NCKAP5: variants seen among roughly 807,000 people sequenced by gnomAD.
NCKAP5 encodes NCK associated protein 5, also known as nck-associated protein 5.
A neutral mutation model predicts 167.0 loss-of-function variants in NCKAP5; 92 were observed. That is an observed-to-expected ratio of 0.55 (90% CI 0.47 to 0.66). NCKAP5 has a LOEUF of 0.66. Among genes scored for constraint, NCKAP5 ranks in the 30% least tolerant of loss-of-function variants. The pLI, the probability that NCKAP5 is intolerant of heterozygous loss-of-function variation, is 0.00. For missense variants in NCKAP5, 2,378 were observed against 2,315.0 expected, an observed-to-expected ratio of 1.03 and a Z score of -0.56; for synonymous variants, 891 against 877.4, an observed-to-expected ratio of 1.02 and a Z score of -0.27.
At chr2:133,575,874 T>C in the NCKAP5 span, among the ~76,000 whole-genome samples, 1 of 152,198 alleles carries the variant, frequency 6.6e-6, no homozygotes, top group African/African-American at 2.4e-5. Flanking sequence ...TCTGATCTCT[T>C]AACGATAAAC....
chr2:133,579,531 C>A, the NCKAP5 span, among the ~76,000 whole-genome samples: 1 of 152,276 alleles, frequency 6.6e-6, no homozygotes, highest in Admixed American at 6.5e-5. Flanking sequence ...TTTTGCAGGG[C>A]AGGAGGCCAG....
chr2:132,881,834 T>C (rs1189596383), intron 8 of NCKAP5, among the ~76,000 whole-genome samples: 1 of 152,122 alleles, frequency 6.6e-6, no homozygotes, highest in Admixed American at 6.5e-5. Context: ...TGTGGGGAGA[T>C]ACTTTGAGGC....
chr2:132,839,563 CCAGCCTGGG>C (rs59415241), intron 11 of NCKAP5, among the ~76,000 whole-genome samples: 11,865 of 151,906 alleles, frequency 0.078, 926 homozygotes, highest in African/African-American at 0.19. Flanking sequence ...GAGTTCAAGA[CCAGCCTGGG>C]CAACATGGTG....
At chr2:133,360,843 G>T (rs1425606259) in intron 3 of NCKAP5, among the ~76,000 whole-genome samples, 1 of 151,806 alleles carries the variant, frequency 6.6e-6, no homozygotes, top group Non-Finnish European at 1.5e-5. Flanking sequence ...GCCTTAAAAG[G>T]CTGGTGAGTA....
At chr2:132,709,565 A>G (rs893277389) in intron 19 of NCKAP5, among the ~76,000 whole-genome samples, 1 of 152,174 alleles carries the variant, frequency 6.6e-6, no homozygotes, top group African/African-American at 2.4e-5. Context: ...GTTTATGTCA[A>G]TAAACATGAA....
chr2:133,441,198 T>A (rs1690835689), intron 3 of NCKAP5, among the ~76,000 whole-genome samples: 1 of 152,158 alleles, frequency 6.6e-6, no homozygotes, highest in Non-Finnish European at 1.5e-5. Flanking sequence ...TTGTAGTAAC[T>A]GTGAGTCCAA....
chr2:133,172,809 A>G (rs2084304958), intron 5 of NCKAP5, among the ~76,000 whole-genome samples: 1 of 152,044 alleles, frequency 6.6e-6, no homozygotes, highest in Non-Finnish European at 1.5e-5. Context: ...CAACACGCCC[A>G]GCTAATTTTT....
intron 19 of NCKAP5, among the ~76,000 whole-genome samples, chr2:132,689,163 T>C (rs1474770860): frequency 6.6e-6 from 1 of 152,038 alleles, no homozygotes; most frequent in African/African-American, 2.4e-5. Context: ...ACATAACATG[T>C]GGGTGAATAC....
Position 132,728,897 on chromosome 2 carries a change from T to C in NCKAP5, c.5499A>G (p.Ser1833=). 1.9e-6 allele frequency: 3 copies of C among 1,613,988 alleles called. No homozygotes were observed. Among genetic ancestry groups the C allele is most frequent in the African/African-American group, 1.3e-5 (1 of 75,058 alleles). Reference sequence around the variant, plus strand: ...TTGGGTCTTCAGCATATCCGAATGATGAGCATGTCTGAGGCCTTGGCTCTG... The same window carrying C: ...TTGGGTCTTCAGCATATCCGAATGACGAGCATGTCTGAGGCCTTGGCTCTG... ...NEAEPRPQTC[S]SFGYAEDPMA... Residue 1833 remains serine, a synonymous_variant, in exon 18 of 20, where the codon TCA becomes TCG. Coordinates refer to ENST00000409261, the MANE Select transcript of NCKAP5 (RefSeq NM_207363.3).
chr2:133,296,631 A>G (rs1401817509), intron 4 of NCKAP5, among the ~76,000 whole-genome samples: 1 of 152,244 alleles, frequency 6.6e-6, no homozygotes, highest in Non-Finnish European at 1.5e-5. Context: ...TAAATGCAAT[A>G]TAATATTCCA....
the NCKAP5 span, among the ~76,000 whole-genome samples, chr2:133,624,587 GC>G: frequency 6.6e-6 from 1 of 152,110 alleles, no homozygotes; most frequent in Non-Finnish European, 1.5e-5. Context: ...GCATTAAAAG[GC>G]TCAAAATAGC....
intron 5 of NCKAP5, among the ~76,000 whole-genome samples, chr2:133,208,432 A>G (rs2086058601): frequency 6.6e-6 from 1 of 152,234 alleles, no homozygotes; most frequent in Non-Finnish European, 1.5e-5. Context: ...TACTTCCCAA[A>G]AATATACCCA....
At chr2:133,074,914 GA>G in intron 6 of NCKAP5, among the ~76,000 whole-genome samples, 1 of 151,960 alleles carries the variant, frequency 6.6e-6, no homozygotes, top group East Asian at 1.9e-4. Context: ...GATTGGAGCA[GA>G]AAAAGAATAT....
chr2:133,639,496 T>C, the NCKAP5 span, among the ~76,000 whole-genome samples: 21 of 152,310 alleles, frequency 1.4e-4, 1 homozygote, highest in African/African-American at 4.6e-4. Flanking sequence ...TTCATAGTTT[T>C]CCAAACTTCC....
intron 11 of NCKAP5, among the ~76,000 whole-genome samples, chr2:132,835,332 T>C (rs1687812980): frequency 1.3e-5 from 2 of 152,172 alleles, no homozygotes; most frequent in South Asian, 2.1e-4. Flanking sequence ...ACAAGCCTCA[T>C]AGAATGAGTT....
At chr2:133,350,219 G>C (rs28445548) in intron 3 of NCKAP5, among the ~76,000 whole-genome samples, 40,277 of 151,924 alleles carry the variant, frequency 0.27, 6,238 homozygotes, top group African/African-American at 0.43. Flanking sequence ...TGAGATAAGT[G>C]TGGGCAACAT....
At chr2:133,307,383 A>C (rs556874486) in intron 3 of NCKAP5, among the ~76,000 whole-genome samples, 1 of 152,338 alleles carries the variant, frequency 6.6e-6, no homozygotes, top group Admixed American at 6.5e-5. Flanking sequence ...GGATAAAGAA[A>C]TATTTCAGCA....
At chr2:132,949,088 C>T (rs2076102847) in intron 8 of NCKAP5, among the ~76,000 whole-genome samples, 2 of 107,226 alleles carry the variant, frequency 1.9e-5, no homozygotes, top group Admixed American at 2.4e-4. Context: ...CACCCCCCAC[C>T]CTGCCCCATC....
chr2:132,983,967 C>T (rs2077213847), intron 7 of NCKAP5, among the ~76,000 whole-genome samples: 1 of 152,168 alleles, frequency 6.6e-6, no homozygotes, highest in Non-Finnish European at 1.5e-5. Context: ...TAAGAATATT[C>T]TATGGAAAAC....
Sources: allele counts gnomAD v4.1 joint callset (sites outside exome capture counted in the v4.1 genomes callset), GRCh38; gene constraint gnomAD v4.1.1; transcripts MANE v1.5; gene names NCBI Gene and HGNC (gene_info 2026-07-23, HGNC 2026-07-21).